Variants in FBXL13 observed in about 807,000 individuals in gnomAD.
FBXL13 encodes the protein F-box and leucine-rich repeat protein 13.
Under a neutral mutation model 83.6 loss-of-function variants are expected in FBXL13, and 67 were observed. The observed-to-expected ratio is 0.80, with a 90% CI of 0.66 to 0.98. The LOEUF (loss-of-function observed/expected upper bound fraction) is 0.98. Ranked by LOEUF, FBXL13 falls within the 50% of genes least tolerant of loss-of-function variation. The pLI, the probability that FBXL13 is intolerant of heterozygous loss-of-function variation, is 0.00. For missense variants in FBXL13, 822 were observed against 866.5 expected, an observed-to-expected ratio of 0.95 and a Z score of 0.64; for synonymous variants, 272 against 299.5, an observed-to-expected ratio of 0.91 and a Z score of 0.95.
intron 8 of FBXL13, 92 bp downstream of exon 9, chr7:102,963,441 C>T (rs1343650038): frequency 1.3e-6 from 2 of 1,494,494 alleles, no homozygotes; most frequent in East Asian, 2.3e-5. Flanking sequence ...AAAACTGTCA[C>T]TGAAGTTTCC....
chr7:102,983,407 G>C (rs937485588), intron 6 of FBXL13, among the ~76,000 whole-genome samples: 5 of 146,542 alleles, frequency 3.4e-5, no homozygotes, highest in African/African-American at 1.3e-4. Context: ...ACCCATTCTG[G>C]TTTTCTTTTT....
intron 11 of FBXL13, among the ~76,000 whole-genome samples, chr7:102,890,238 AAT>A (rs1443096896): frequency 6.6e-6 from 1 of 152,212 alleles, no homozygotes; most frequent in Non-Finnish European, 1.5e-5. Flanking sequence ...GAAAAAGCAA[AAT>A]ATGTTACCAA....
chr7:102,866,724 G>C (rs575459925), intron 16 of FBXL13, among the ~76,000 whole-genome samples: 2 of 152,282 alleles, frequency 1.3e-5, no homozygotes, highest in East Asian at 3.9e-4. Flanking sequence ...TTCCACTCCA[G>C]CCCAGAGCAT....
intron 8 of FBXL13, chr7:102,933,612 C>CAT: frequency 5.0e-6 from 1 of 201,716 alleles, no homozygotes; most frequent in Admixed American, 5.3e-5. Flanking sequence ...AGGGCACAAA[C>CAT]ATTTGGCCTC....
At chr7:102,842,638 C>T (rs757248476) in intron 17 of FBXL13, among the ~76,000 whole-genome samples, 1 of 152,244 alleles carries the variant, frequency 6.6e-6, no homozygotes. Flanking sequence ...ACCCTTCTTA[C>T]ACTCCAGAGA....
At chr7:102,927,565 A>G (rs573999548) in intron 9 of FBXL13, among the ~76,000 whole-genome samples, 1 of 152,322 alleles carries the variant, frequency 6.6e-6, no homozygotes, top group South Asian at 2.1e-4. Flanking sequence ...TCAGATAGGA[A>G]TTGGTTGATT....
At chr7:102,996,998 G>C (rs1249295173) in intron 6 of FBXL13, among the ~76,000 whole-genome samples, 2 of 152,036 alleles carry the variant, frequency 1.3e-5, no homozygotes, top group East Asian at 3.9e-4. Flanking sequence ...TGATATATTT[G>C]AGAATTACTA....
intron 1 of FBXL13, among the ~76,000 whole-genome samples, chr7:103,060,756 C>T (rs577734452): frequency 6.6e-6 from 1 of 152,082 alleles, no homozygotes; most frequent in Non-Finnish European, 1.5e-5. Context: ...AATAATTACT[C>T]CAAAAGTGCA....
At chr7:102,868,402 CATGAG>C (rs1808058644) in intron 16 of FBXL13, among the ~76,000 whole-genome samples, 2 of 152,152 alleles carry the variant, frequency 1.3e-5, no homozygotes, top group African/African-American at 4.8e-5. Flanking sequence ...TGAGTGAGAT[CATGAG>C]ATATTTGTCT....
chr7:102,966,682 C>G (rs1241366691), intron 7 of FBXL13, among the ~76,000 whole-genome samples: 7 of 152,316 alleles, frequency 4.6e-5, no homozygotes, highest in South Asian at 4.1e-4. Flanking sequence ...GCAAATTTCT[C>G]TTTCCACAAT....
intron 16 of FBXL13, among the ~76,000 whole-genome samples, chr7:102,866,270 G>A (rs1178112065): frequency 2.0e-5 from 3 of 152,200 alleles, no homozygotes; most frequent in African/African-American, 4.8e-5. Context: ...ACAGGCTCAA[G>A]TTGGTCGCTT....
intron 8 of FBXL13, among the ~76,000 whole-genome samples, chr7:102,953,621 T>G (rs1418136400): frequency 6.6e-6 from 1 of 152,194 alleles, no homozygotes; most frequent in Non-Finnish European, 1.5e-5. Context: ...CTCAACATTG[T>G]TAATATAATA....
intron 8 of FBXL13, among the ~76,000 whole-genome samples, chr7:102,949,638 C>A (rs925318232): frequency 6.6e-6 from 1 of 152,298 alleles, no homozygotes; most frequent in East Asian, 1.9e-4. Flanking sequence ...CTTGAATGCT[C>A]AGTTGTTTCT....
intron 16 of FBXL13, among the ~76,000 whole-genome samples, chr7:102,869,214 A>T (rs1217295276): frequency 6.6e-6 from 1 of 152,164 alleles, no homozygotes; most frequent in Non-Finnish European, 1.5e-5. Context: ...TTTGATTTGC[A>T]GTTCCCTGGT....
In FBXL13 at chr7:102,932,273, G is replaced by A. The variant is rs575128821; in HGVS notation, c.725-340C>T. 2.6e-5 allele frequency among the ~76,000 whole-genome samples: 4 copies of A among 151,916 alleles called. No homozygotes were observed. The South Asian group carries it at 8.3e-4, about 32-fold the overall frequency. ...TTTGTGCCTGCTTTTTTATTTTTTT[G>A]TTTTCATTTAACATTTTATTATGAA... On this transcript the variant is annotated intron_variant, in intron 8 of 19. Transcript: ENST00000313221.
At chr7:102,889,322 T>C (rs1185276924) in intron 11 of FBXL13, among the ~76,000 whole-genome samples, 2 of 152,262 alleles carry the variant, frequency 1.3e-5, no homozygotes, top group African/African-American at 2.4e-5. Context: ...TTGAGTCACA[T>C]AGCAATGGCA....
intron 6 of FBXL13, among the ~76,000 whole-genome samples, chr7:103,024,133 AAAAGAGAGAG>A (rs1793550729): frequency 1.4e-5 from 1 of 70,660 alleles, no homozygotes. Flanking sequence ...ATAAAAGTTA[AAAAGAGAGAG>A]AGAGAGAGAG....
chr7:103,012,102 G>A (rs560837017), intron 6 of FBXL13, among the ~76,000 whole-genome samples: 11 of 152,242 alleles, frequency 7.2e-5, no homozygotes, highest in Non-Finnish European at 1.0e-4. Flanking sequence ...AGGGCCGGGC[G>A]CAGTGGCTCA....
chr7:102,964,404 AT>A (rs1554482400), intron 7 of FBXL13, among the ~76,000 whole-genome samples: 442 of 143,264 alleles, frequency 3.1e-3, no homozygotes, highest in African/African-American at 7.7e-3. Context: ...ATATATATAT[AT>A]TTTTTTTTTT....
Sources: gnomAD v4.1 joint callset for allele counts (sites outside exome capture counted in the v4.1 genomes callset) on GRCh38, gnomAD v4.1.1 for gene constraint, MANE v1.5 for transcripts, NCBI Gene and HGNC (gene_info 2026-07-23, HGNC 2026-07-21) for gene names.